CENPI: variants seen among roughly 807,000 people sequenced by gnomAD.
CENPI encodes FSH primary response 1.
A neutral mutation model predicts 60.4 loss-of-function variants in CENPI; 4 were observed. The observed-to-expected ratio is 0.07, with a 90% CI of 0.03 to 0.15. The LOEUF (loss-of-function observed/expected upper bound fraction) is 0.15, where lower values mean the gene tolerates loss of function less well. Among genes scored for constraint, CENPI ranks in the 10% least tolerant of loss-of-function variants. The probability of loss-of-function intolerance (pLI) is 1.00; values close to 1 mark genes in which losing one functional copy is unlikely to be tolerated. For synonymous variants in CENPI, 157 were observed against 189.4 expected (o/e 0.83, Z 1.40); for missense variants, 444 against 534.5 (o/e 0.83, Z 1.67).
intron 21 of CENPI, among the ~76,000 whole-genome samples, chrX:101,162,471 A>ATATATATAT (rs1182467283): frequency 1.8e-4 from 14 of 76,280 alleles, no homozygotes; most frequent in African/African-American, 7.7e-4. Flanking sequence ...AAAAAAAAAA[A>ATATATATAT]AAATATATAT....
chrX:101,178,398 CT>C, the CENPI span, among the ~76,000 whole-genome samples: 375 of 39,980 alleles, frequency 9.4e-3, 15 homozygotes, highest in African/African-American at 0.028. Context: ...TTTTCTTCTT[CT>C]TTTTTTTTTT....
chrX:101,140,505 T>C (rs1157498913), intron 15 of CENPI, among the ~76,000 whole-genome samples, 161 bp from the exon 16 acceptor site: 1 of 112,534 alleles, frequency 8.9e-6, no homozygotes, highest in African/African-American at 3.2e-5. Context: ...TTGGCATTCG[T>C]CTGTCTTCTG....
the CENPI span, among the ~76,000 whole-genome samples, chrX:101,173,314 C>CAT: frequency 2.0e-5 from 1 of 50,506 alleles, no homozygotes; most frequent in South Asian, 1.3e-3. Context: ...TGCCTGGCCT[C>CAT]TTTTTTTTTT....
At chrX:101,130,111 T>C (rs752971736) in intron 13 of CENPI, 38 bp downstream of exon 13, 14 of 952,227 alleles carry the variant, frequency 1.5e-5, no homozygotes, top group Non-Finnish European at 2.1e-5. Flanking sequence ...TCCACCACTC[T>C]TTACTAAAAT....
chrX:101,125,764 C>T lies in CENPI; in HGVS notation c.688-945C>T, dbSNP rs565576636. On this transcript the variant is annotated intron_variant, in intron 8 of 21. Transcript: ENST00000682095. ...GAGAACCCAGAATTAATCATATGTT[C>T]GATATGCCATTTTTAACTGGAAATC... 9.5e-4 allele frequency among the ~76,000 whole-genome samples: 106 copies of T among 111,421 alleles called. No homozygotes were observed. In the South Asian group the frequency reaches 0.038, roughly 40 times the overall value.
chrX:101,121,541 G>A (rs1413146708), intron 8 of CENPI, among the ~76,000 whole-genome samples: 6 of 110,172 alleles, frequency 5.4e-5, no homozygotes, highest in Non-Finnish European at 9.5e-5. Flanking sequence ...TGCCTGCCTC[G>A]GCCTCCCAAA....
At chrX:101,102,220 G>A (rs1010182777) in intron 3 of CENPI, 54 bp from the exon 4 acceptor site, 22 of 961,285 alleles carry the variant, frequency 2.3e-5, no homozygotes, top group Admixed American at 1.2e-4. Context: ...TATTGAGGCC[G>A]AAGACTGAAA....
At chrX:101,138,953 T>C (rs1422682713) in intron 15 of CENPI, among the ~76,000 whole-genome samples, 3 of 106,030 alleles carry the variant, frequency 2.8e-5, no homozygotes, top group Non-Finnish European at 5.8e-5. Context: ...CTTTTTTTTT[T>C]TTTTTTTTTA....
At chrX:101,127,414 T>G (rs966431857) in intron 10 of CENPI, 84 bp from the exon 11 acceptor site, 1 of 962,533 alleles carries the variant, frequency 1.0e-6, no homozygotes, top group African/African-American at 2.0e-5. Flanking sequence ...TTCCTTTAAT[T>G]GAAACACCTT....
chrX:101,176,802 G>C, the CENPI span, among the ~76,000 whole-genome samples: 1 of 112,747 alleles, frequency 8.9e-6, no homozygotes, highest in African/African-American at 3.2e-5. Context: ...TTTTGTTTCT[G>C]TGCTTTCGAG....
chrX:101,139,488 G>C (rs1176442016), intron 15 of CENPI, among the ~76,000 whole-genome samples: 2 of 112,315 alleles, frequency 1.8e-5, no homozygotes, highest in African/African-American at 6.5e-5. Flanking sequence ...ATATAACATT[G>C]TAATGTTGAA....
intron 13 of CENPI, 63 bp from the exon 14 acceptor site, chrX:101,132,127 T>G: frequency 1.2e-6 from 1 of 807,594 alleles, no homozygotes. Flanking sequence ...AACTGGTTGT[T>G]TAGAGCATAA....
At chrX:101,159,678 T>C (rs1043216463) in intron 20 of CENPI, among the ~76,000 whole-genome samples, 5 of 109,874 alleles carry the variant, frequency 4.6e-5, no homozygotes, top group Non-Finnish European at 9.5e-5. Context: ...ACCAGGCTGG[T>C]CTCGAACTCC....
chrX:101,128,668 TC>T, intron 11 of CENPI, 47 bp from the exon 12 acceptor site: 1 of 1,180,334 alleles, frequency 8.5e-7, no homozygotes, highest in Non-Finnish European at 1.1e-6. Context: ...GATTCCCTTA[TC>T]CACTTTTCAG....
Position 101,146,208 on chromosome X carries a change from G to T in CENPI, c.1757G>T (p.Gly586Val), listed in dbSNP as rs1366919411. The change falls in exon 18 of 22, where the codon GGG becomes GTG. Residue 586 changes from glycine (G) to valine (V), a missense_variant. Physicochemically the swap from Gly to Val is moderately radical, Grantham distance 109. Coordinates refer to ENST00000682095, the MANE Select transcript of CENPI (RefSeq NM_001386188.2). ...NLPLVVLFPP[G>V]IFYSALLSLD... ...CCATTAGTGGTATTGTTTCCTCCTG[G>T]GATCTTCTATTCTGCACTCCTCAGC... The T allele has an allele frequency of 8.3e-7, 1 of 1,200,411 alleles. No individual in the cohort carries two copies. The highest frequency in any genetic ancestry group is 1.1e-6 in the Non-Finnish European group (1 of 887,369).
intron 16 of CENPI, 84 bp from the exon 17 acceptor site, chrX:101,144,980 T>G: frequency 1.3e-6 from 1 of 789,691 alleles, no homozygotes; most frequent in South Asian, 3.3e-5. Context: ...CACCAACATT[T>G]TGCTTTATAT....
chrX:101,127,721 TG>T (rs1259754517), intron 11 of CENPI, 56 bp downstream of exon 11: 2 of 952,731 alleles, frequency 2.1e-6, no homozygotes, highest in Non-Finnish European at 2.9e-6. Context: ...TCATGGCCTT[TG>T]TTTTTTTGTT....
At chrX:101,167,141 A>G (rs2090146559), downstream of CENPI, among the ~76,000 whole-genome samples, 3 of 112,788 alleles carry the variant, frequency 2.7e-5, no homozygotes, top group South Asian at 1.1e-3. Context: ...TGTCACACAT[A>G]ACTTTTATTA....
chrX:101,142,907 T>A (rs1056150927), intron 16 of CENPI, among the ~76,000 whole-genome samples: 6 of 109,533 alleles, frequency 5.5e-5, no homozygotes, highest in African/African-American at 2.0e-4. Flanking sequence ...ACCTTGTCTC[T>A]AGTAAAAATA....
Sources: allele counts gnomAD v4.1 joint callset (sites outside exome capture counted in the v4.1 genomes callset), GRCh38; gene constraint gnomAD v4.1.1; transcripts MANE v1.5; gene names NCBI Gene and HGNC (gene_info 2026-07-23, HGNC 2026-07-21).